UBASH3B: variants seen among roughly 807,000 people sequenced by gnomAD.
UBASH3B encodes ubiquitin-associated and SH3 domain-containing protein B.
In UBASH3B, 37 loss-of-function variants were observed where a neutral mutation model predicts 83.4. That is an observed-to-expected ratio of 0.44 (90% CI 0.34 to 0.58). The LOEUF is 0.58. Among genes scored for constraint, UBASH3B ranks in the 20% least tolerant of loss-of-function variants. UBASH3B has a pLI of 0.01. For missense variants in UBASH3B, 657 were observed against 827.2 expected (o/e 0.79, Z 2.52); for synonymous variants, 304 against 318.3 (o/e 0.96, Z 0.48).
At chr11:122,677,155 A>C in intron 1 of UBASH3B, among the ~76,000 whole-genome samples, 1 of 152,206 alleles carries the variant, frequency 6.6e-6, no homozygotes, top group East Asian at 1.9e-4. Flanking sequence ...TATAACAACT[A>C]TTTACATAGC....
At chr11:122,742,915 C>T (rs10750225) in intron 1 of UBASH3B, among the ~76,000 whole-genome samples, 52,332 of 152,050 alleles carry the variant, frequency 0.34, 9,134 homozygotes, top group Admixed American at 0.4. Context: ...TCCTGAACAC[C>T]GCCTGAGCTT....
intron 1 of UBASH3B, among the ~76,000 whole-genome samples, chr11:122,718,094 G>A (rs1860556906): frequency 1.3e-5 from 2 of 152,030 alleles, no homozygotes; most frequent in East Asian, 3.9e-4. Flanking sequence ...GCTAATTTTT[G>A]TATTTTTAGT....
chr11:122,761,460 C>T (rs780209867), intron 1 of UBASH3B, among the ~76,000 whole-genome samples: 5 of 152,094 alleles, frequency 3.3e-5, no homozygotes, highest in South Asian at 4.1e-4. Context: ...GAGAGTGAGA[C>T]ACCAACTCCA....
At chr11:122,800,852 C>T (rs1182246442) in intron 10 of UBASH3B, among the ~76,000 whole-genome samples, 1 of 152,078 alleles carries the variant, frequency 6.6e-6, no homozygotes, top group African/African-American at 2.4e-5. Context: ...AGTAATCTGC[C>T]CTCCTCCGCC....
intron 9 of UBASH3B, among the ~76,000 whole-genome samples, chr11:122,797,678 A>C (rs918688009): frequency 6.6e-6 from 1 of 152,230 alleles, no homozygotes; most frequent in Non-Finnish European, 1.5e-5. Flanking sequence ...AGAGCTATGC[A>C]TGGTCACAGA....
chr11:122,710,474 GA>G (rs1179233791), intron 1 of UBASH3B, among the ~76,000 whole-genome samples: 1 of 152,160 alleles, frequency 6.6e-6, no homozygotes, highest in Non-Finnish European at 1.5e-5. Flanking sequence ...CCCATTTCTT[GA>G]AAAGAAGGCT....
chr11:122,767,143 T>C (rs1253427093), intron 1 of UBASH3B, among the ~76,000 whole-genome samples: 2 of 151,904 alleles, frequency 1.3e-5, no homozygotes, highest in Admixed American at 6.5e-5. Flanking sequence ...CTGGGCATAG[T>C]GGCTCATGCC....
rs150469044 is a variant in UBASH3B at position 122,811,717 on chromosome 11, G to T, written c.*1831G>T. The T allele has an allele frequency of 6.6e-6, 1 of 152,070 alleles. No homozygotes were observed. Among genetic ancestry groups the T allele is most frequent in the African/African-American group, 2.4e-5 (1 of 41,390 alleles). The allele number at this position is 152,070 out of a possible 1,614,324, so 9.4% of individuals were successfully genotyped here. ...CAATCATGGTTTCTTCTAGCGTTGCGCAAACACTGACCCAGCTTCTGGGTA... is the reference window on the plus strand; with the variant it reads ...CAATCATGGTTTCTTCTAGCGTTGCTCAAACACTGACCCAGCTTCTGGGTA... On this transcript the variant is annotated 3_prime_UTR_variant, in exon 14 of 14. Transcript: ENST00000284273.
At chr11:122,686,894 G>T (rs149860031) in intron 1 of UBASH3B, among the ~76,000 whole-genome samples, 2 of 151,646 alleles carry the variant, frequency 1.3e-5, no homozygotes, top group East Asian at 1.9e-4. Flanking sequence ...TTGAGACAGG[G>T]TCTAGCTCTG....
chr11:122,756,737 G>C (rs754782145), intron 1 of UBASH3B, among the ~76,000 whole-genome samples: 2 of 152,196 alleles, frequency 1.3e-5, no homozygotes, highest in African/African-American at 4.8e-5. Context: ...CCAAAGGCAA[G>C]CTGAGTGGTC....
At chr11:122,764,347 G>C (rs4936740) in intron 1 of UBASH3B, among the ~76,000 whole-genome samples, 146,839 of 152,350 alleles carry the variant, frequency 0.96, 71,021 homozygotes, top group Middle Eastern at 1. Context: ...CATCTTTCTC[G>C]ATCTCCCTGT....
rs769680598 is a variant in UBASH3B, at chr11:122,801,316, G to A, written c.1579G>A (p.Val527Ile). The part of the protein sequence containing the change: ...PSELAAANLS[V>I]DTTYRPHIPI... Reference sequence around the variant, plus strand: ...AGAGTTAGCTGCAGCCAACCTGAGTGTTGATACAACCTACAGGTAAGCCTC... The same window carrying A: ...AGAGTTAGCTGCAGCCAACCTGAGTATTGATACAACCTACAGGTAAGCCTC... The change falls in exon 11 of 14, where the codon GTT (valine) becomes ATT (isoleucine). Residue 527 changes from valine (V) to isoleucine (I), a missense_variant. Val to Ile is a conservative substitution (Grantham distance 29). Transcript: ENST00000284273. 2 of 1,614,050 alleles carry A rather than the reference G, an allele frequency of 1.2e-6. No homozygotes were observed. The highest frequency in any genetic ancestry group is 1.7e-6 in the Non-Finnish European group (2 of 1,180,046).
intron 1 of UBASH3B, among the ~76,000 whole-genome samples, chr11:122,740,017 C>T (rs1020774188): frequency 6.6e-5 from 10 of 152,160 alleles, no homozygotes; most frequent in African/African-American, 2.4e-4. Context: ...TCTGTAAAGC[C>T]ATATGTTCCA....
At chr11:122,768,470 ATG>A (rs568912747) in intron 1 of UBASH3B, among the ~76,000 whole-genome samples, 2,894 of 139,720 alleles carry the variant, frequency 0.021, 62 homozygotes, top group African/African-American at 0.049. Context: ...ATATATATGT[ATG>A]TGTGTGTGTG....
At chr11:122,775,048 A>G (rs975958059) in intron 1 of UBASH3B, among the ~76,000 whole-genome samples, 4 of 152,340 alleles carry the variant, frequency 2.6e-5, no homozygotes, top group Middle Eastern at 3.4e-3. Flanking sequence ...TATAATTAAT[A>G]TTTACATGCC....
chr11:122,789,171 C>T lies in UBASH3B; in HGVS notation c.843C>T (p.Ile281=), dbSNP rs376594766. ...DELELVPGDF[I]FMSPMEQTST... is the part of the protein sequence containing the mutation. ...TGGAGCTGGTCCCCGGGGACTTCAT[C>T]TTCATGTCTCCAATGGAGCAGACCA... is the stretch of plus-strand genomic sequence containing the variant. The change falls in exon 6 of 14, where the codon ATC becomes ATT. Residue 281 remains isoleucine, a synonymous_variant. Coordinates refer to ENST00000284273, the MANE Select transcript of UBASH3B (RefSeq NM_032873.5). 1 of 1,614,082 alleles carries T rather than the reference C, an allele frequency of 6.2e-7. No individual in the cohort carries two copies. The highest frequency in any genetic ancestry group is 1.3e-5 in the African/African-American group (1 of 74,926).
At chr11:122,684,282 T>G (rs988599857) in intron 1 of UBASH3B, among the ~76,000 whole-genome samples, 1 of 152,228 alleles carries the variant, frequency 6.6e-6, no homozygotes, top group African/African-American at 2.4e-5. Flanking sequence ...GTACCTACTA[T>G]GTATCTGCCT....
chr11:122,700,386 A>T (rs1274705718), intron 1 of UBASH3B, among the ~76,000 whole-genome samples: 2 of 152,062 alleles, frequency 1.3e-5, no homozygotes, highest in East Asian at 3.8e-4. Flanking sequence ...GGTTTAGTGG[A>T]TACAGTTAAC....
At chr11:122,763,267 C>T (rs1263038800) in intron 1 of UBASH3B, among the ~76,000 whole-genome samples, 1 of 152,228 alleles carries the variant, frequency 6.6e-6, no homozygotes. Flanking sequence ...CAATTACAAA[C>T]TGCTGCCTCC....
Sources: allele counts gnomAD v4.1 joint callset (sites outside exome capture counted in the v4.1 genomes callset), GRCh38; gene constraint gnomAD v4.1.1; transcripts MANE v1.5; gene names NCBI Gene and HGNC (gene_info 2026-07-23, HGNC 2026-07-21).